Variants in TXLNB observed in about 807,000 individuals in gnomAD.
TXLNB encodes taxilin beta.
In TXLNB, 37 loss-of-function variants were observed where a neutral mutation model predicts 57.4. The ratio of observed to expected loss-of-function variants is 0.64; its 90% confidence interval spans 0.50 to 0.85. The LOEUF (loss-of-function observed/expected upper bound fraction) is 0.85, where lower values mean the gene tolerates loss of function less well. Among genes scored for constraint, TXLNB ranks in the 40% least tolerant of loss-of-function variants. The pLI, the probability that TXLNB is intolerant of heterozygous loss-of-function variation, is 0.00. For missense variants in TXLNB, 848 were observed against 825.6 expected (o/e 1.03, Z -0.33); for synonymous variants, 302 against 309.6 (o/e 0.98, Z 0.26).
chr6:139,166,497 AC>A, the TXLNB span: 1 of 1,614,182 alleles, frequency 6.2e-7, no homozygotes, highest in Non-Finnish European at 8.5e-7. Context: ...TGCCGCCAGA[AC>A]ATGTGGACAA....
chr6:139,299,952 C>A, the TXLNB span, among the ~76,000 whole-genome samples: 66,533 of 151,680 alleles, frequency 0.44, 17,241 homozygotes, highest in East Asian at 0.57. Context: ...ATAAAAGCAT[C>A]CCTTTCAAAT....
intron 1 of TXLNB, among the ~76,000 whole-genome samples, chr6:139,290,337 G>T (rs1328430622): frequency 6.6e-6 from 1 of 152,164 alleles, no homozygotes; most frequent in Non-Finnish European, 1.5e-5. Flanking sequence ...CCAAGATCGT[G>T]CCACTGCACT....
the TXLNB span, among the ~76,000 whole-genome samples, chr6:139,228,526 C>CAAA: frequency 9.5e-3 from 419 of 44,230 alleles, 8 homozygotes; most frequent in African/African-American, 0.028. Context: ...AACTCCATCT[C>CAAA]AAAAAAAAAA....
the TXLNB span, among the ~76,000 whole-genome samples, chr6:139,221,020 T>C: frequency 6.6e-6 from 1 of 152,214 alleles, no homozygotes; most frequent in Non-Finnish European, 1.5e-5. Context: ...GAGAACTTGA[T>C]AAAACAGGTA....
the TXLNB span, among the ~76,000 whole-genome samples, chr6:139,206,182 A>C: frequency 6.6e-6 from 1 of 152,232 alleles, no homozygotes; most frequent in Non-Finnish European, 1.5e-5. Flanking sequence ...AGGGCTTCTA[A>C]GTCTTGAAAC....
At chr6:139,166,687 C>T in the TXLNB span, 3 of 1,613,220 alleles carry the variant, frequency 1.9e-6, no homozygotes, top group East Asian at 4.5e-5. Context: ...CAAAAAAGTG[C>T]AGGCCCCCAA....
chr6:139,220,194 G>A, the TXLNB span, among the ~76,000 whole-genome samples: 4 of 151,856 alleles, frequency 2.6e-5, no homozygotes, highest in South Asian at 4.1e-4. Flanking sequence ...GAAGATGGCT[G>A]TCTATGAAGA....
At chr6:139,314,907 C>A in the TXLNB span, among the ~76,000 whole-genome samples, 3 of 152,110 alleles carry the variant, frequency 2.0e-5, no homozygotes, top group Admixed American at 1.3e-4. Flanking sequence ...AGCCCTTTCC[C>A]GAAAAGACCC....
chr6:139,221,073 A>G, the TXLNB span, among the ~76,000 whole-genome samples: 3 of 152,202 alleles, frequency 2.0e-5, no homozygotes, highest in Non-Finnish European at 4.4e-5. Context: ...TAGGCAACAA[A>G]AACTTGAAAT....
the TXLNB span, among the ~76,000 whole-genome samples, chr6:139,187,189 A>G: frequency 1.3e-5 from 2 of 152,224 alleles, no homozygotes; most frequent in African/African-American, 4.8e-5. Context: ...GATAACTTGT[A>G]TATCATAAAC....
intron 3 of TXLNB, among the ~76,000 whole-genome samples, chr6:139,273,062 G>T (rs1776806770): frequency 6.6e-6 from 1 of 152,036 alleles, no homozygotes; most frequent in Admixed American, 6.5e-5. Flanking sequence ...AAAAAGAAAA[G>T]AAATTTATAT....
Position 139,278,702 on chromosome 6 carries a change from A to G in TXLNB, c.425-1781T>C, listed in dbSNP as rs116765161. Among the ~76,000 whole-genome samples the G allele has an allele frequency of 5.4e-3, 820 of 152,310 alleles. 5 individuals are homozygous for G. The highest frequency in any genetic ancestry group is 0.019 in the African/African-American group (783 of 41,574). ...TGGCAAGTGCTCAGTAAATGATGAT[A>G]ATAATAGAATAAAACAAAGCTGGCC... On this transcript the variant is annotated intron_variant, in intron 2 of 9. Coordinates refer to ENST00000358430, the MANE Select transcript of TXLNB (RefSeq NM_153235.4).
the TXLNB span, among the ~76,000 whole-genome samples, chr6:139,221,886 T>A: frequency 1.3e-5 from 2 of 152,168 alleles, no homozygotes; most frequent in Admixed American, 1.3e-4. Flanking sequence ...AGTGGCAAAA[T>A]AATATTTTTC....
chr6:139,308,096 T>C, the TXLNB span, among the ~76,000 whole-genome samples: 1 of 152,120 alleles, frequency 6.6e-6, no homozygotes. Flanking sequence ...ACAATGGCTC[T>C]TTTAAAATGA....
intron 7 of TXLNB, among the ~76,000 whole-genome samples, chr6:139,248,411 G>A (rs1234291573): frequency 2.0e-5 from 3 of 151,668 alleles, no homozygotes; most frequent in Non-Finnish European, 4.4e-5. Flanking sequence ...CAGGAGAATC[G>A]CTTGAACCCA....
At chr6:139,163,606 G>A in the TXLNB span, among the ~76,000 whole-genome samples, 9 of 152,088 alleles carry the variant, frequency 5.9e-5, no homozygotes, top group Admixed American at 2.0e-4. Context: ...CACCCGCCAC[G>A]GCCTTCGAAA....
At chr6:139,172,273 G>A in the TXLNB span, among the ~76,000 whole-genome samples, 1 of 152,168 alleles carries the variant, frequency 6.6e-6, no homozygotes, top group African/African-American at 2.4e-5. Flanking sequence ...CTGATCATGT[G>A]TTTTTTAAAG....
intron 7 of TXLNB, among the ~76,000 whole-genome samples, chr6:139,253,088 T>C (rs1402848815): frequency 6.6e-6 from 1 of 152,232 alleles, no homozygotes; most frequent in Admixed American, 6.5e-5. Context: ...TACTACTAGT[T>C]CATACACTAA....
rs952107155 is a variant in TXLNB at position 139,291,940 on chromosome 6, CAAG to C, written c.-37_-35del. On this transcript the variant is annotated 5_prime_UTR_variant, in exon 1 of 10. Transcript: ENST00000358430. ...ACTTACCAGAAGGCAAGAAGCTAAGCAAGAAGAGAGAGGAGAGGAAGGAGGCAG... is the reference window on the plus strand; with the variant it reads ...ACTTACCAGAAGGCAAGAAGCTAAGCAAGAGAGAGGAGAGGAAGGAGGCAG... 5 of 152,608 alleles carry C rather than the reference CAAG, an allele frequency of 3.3e-5. No individual in the cohort carries two copies. The highest frequency in any genetic ancestry group is 1.2e-4 in the African/African-American group (5 of 41,410). 9.5% of individuals were successfully genotyped at this position (152,608 alleles called of 1,614,324 possible).
Sources: gnomAD v4.1 joint callset for allele counts (sites outside exome capture counted in the v4.1 genomes callset) on GRCh38, gnomAD v4.1.1 for gene constraint, MANE v1.5 for transcripts, NCBI Gene and HGNC (gene_info 2026-07-23, HGNC 2026-07-21) for gene names.